Variants in DCLK2 observed in about 807,000 individuals in gnomAD.
DCLK2 encodes the protein doublecortin like kinase 2, also known as serine/threonine-protein kinase DCLK2.
A neutral mutation model predicts 78.4 loss-of-function variants in DCLK2; 31 were observed. The observed-to-expected ratio is 0.40, with a 90% CI of 0.30 to 0.53. The LOEUF is 0.53. Ranked by LOEUF, DCLK2 falls within the 20% of genes least tolerant of loss-of-function variation. The probability of loss-of-function intolerance (pLI) is 0.61; values close to 1 mark genes in which losing one functional copy is unlikely to be tolerated. For synonymous variants in DCLK2, 407 were observed against 374.9 expected (o/e 1.09, Z -0.99); for missense variants, 872 against 973.7 (o/e 0.90, Z 1.39).
At position 150,249,576 on chromosome 4, in the gene DCLK2, C is replaced by A; in HGVS notation, c.1965C>A (p.Ala655=). The change falls in exon 15 of 16, where the codon GCC becomes GCA. Residue 655 remains alanine, a synonymous_variant. Coordinates refer to ENST00000296550, the MANE Select transcript of DCLK2 (RefSeq NM_001040260.4). ...ILSHPWVSDD[A]SQENNMQAEV... is the part of the protein sequence containing the mutation. ...TGTTTTCTTTCCTGTAGGATGATGC[C>A]TCCCAGGAGAATAACATGCAAGCTG... 1 of 1,613,438 alleles carries A rather than the reference C, an allele frequency of 6.2e-7. No individual in the cohort carries two copies. The highest frequency in any genetic ancestry group is 8.5e-7 in the Non-Finnish European group (1 of 1,179,760).
At chr4:150,221,137 A>G (rs539031442) in intron 6 of DCLK2, among the ~76,000 whole-genome samples, 69 of 152,298 alleles carry the variant, frequency 4.5e-4, no homozygotes, top group African/African-American at 1.7e-3. Flanking sequence ...ATGTAGTGAG[A>G]AGTGGGCAGA....
chr4:150,175,157 T>TTATAATTTATGTATATTTATATATATA (rs1736952101), intron 2 of DCLK2, among the ~76,000 whole-genome samples: 1 of 135,328 alleles, frequency 7.4e-6, no homozygotes, highest in East Asian at 2.0e-4. Context: ...TTATATATAT[T>TTATAATTTATGTATATTTATATATATA]TATAATTTAT....
chr4:150,114,620 A>G lies in DCLK2; in HGVS notation c.756+11808A>G, dbSNP rs76733867. ...ATTTCCTTAGCATTTGCTTCTCTGA[A>G]AAAGACTTTATTTTGCCTTCGTTTA... On this transcript the variant is annotated intron_variant, in intron 2 of 15. Transcript: ENST00000296550. 1.4e-3 allele frequency among the ~76,000 whole-genome samples: 218 copies of G among 152,278 alleles called. 1 individual carries two copies. The highest frequency in any genetic ancestry group is 5.0e-3 in the African/African-American group (206 of 41,564).
intron 2 of DCLK2, among the ~76,000 whole-genome samples, chr4:150,191,533 C>T (rs115542680): frequency 3.8e-4 from 58 of 152,252 alleles, no homozygotes; most frequent in Non-Finnish European, 7.1e-4. Context: ...GAAAGGATGA[C>T]TCCCTGAATT....
At chr4:150,095,249 T>C (rs1730373411) in intron 1 of DCLK2, among the ~76,000 whole-genome samples, 1 of 152,236 alleles carries the variant, frequency 6.6e-6, no homozygotes, top group African/African-American at 2.4e-5. Context: ...CCTTCCCATT[T>C]ACAAGTCTTC....
rs1364624628 is a variant in DCLK2, at chr4:150,216,161, TG to T, written c.1057-4540del. 2.0e-5 allele frequency among the ~76,000 whole-genome samples: 3 copies of T among 152,374 alleles called. No individual in the cohort carries two copies. The East Asian group carries it at 5.8e-4, about 29-fold the overall frequency. ...TTAAATTTCAAATTTGAAGAAATTT[TG>T]GTAATCTGCTTATCAAAGAAGTTTA... On this transcript the variant is annotated intron_variant, in intron 5 of 15. Transcript: ENST00000296550.
chr4:150,148,025 G>C (rs1407342202), intron 2 of DCLK2, among the ~76,000 whole-genome samples: 1 of 152,150 alleles, frequency 6.6e-6, no homozygotes, highest in Non-Finnish European at 1.5e-5. Context: ...TTTAGTGATA[G>C]TTTATTGGTA....
intron 2 of DCLK2, among the ~76,000 whole-genome samples, chr4:150,140,516 C>A (rs895422267): frequency 8.5e-5 from 13 of 152,308 alleles, no homozygotes; most frequent in South Asian, 2.1e-4. Context: ...GCTCACAAAA[C>A]ACACTGCTTG....
intron 1 of DCLK2, among the ~76,000 whole-genome samples, chr4:150,086,352 C>T (rs917371640): frequency 9.9e-5 from 15 of 152,046 alleles, no homozygotes; most frequent in African/African-American, 3.6e-4. Flanking sequence ...TATTCCTTGC[C>T]CCTTTGTGTT....
At chr4:150,128,048 A>G (rs1733041118) in intron 2 of DCLK2, among the ~76,000 whole-genome samples, 2 of 151,680 alleles carry the variant, frequency 1.3e-5, no homozygotes, top group Non-Finnish European at 1.5e-5. Context: ...ATGATTCTCA[A>G]CAGGAGGCAG....
At chr4:150,227,167 A>C (rs778650632) in intron 8 of DCLK2, among the ~76,000 whole-genome samples, 10 of 152,214 alleles carry the variant, frequency 6.6e-5, no homozygotes, top group Non-Finnish European at 1.5e-4. Flanking sequence ...CACAGCCTGT[A>C]CATTGGCTGA....
At chr4:150,102,111 A>G (rs979001854) in intron 1 of DCLK2, among the ~76,000 whole-genome samples, 1 of 152,236 alleles carries the variant, frequency 6.6e-6, no homozygotes, top group African/African-American at 2.4e-5. Flanking sequence ...AAAACTAATT[A>G]GTAAATAGGA....
chr4:150,098,815 C>T (rs1730665164), intron 1 of DCLK2, among the ~76,000 whole-genome samples: 1 of 151,544 alleles, frequency 6.6e-6, no homozygotes, highest in South Asian at 2.1e-4. Flanking sequence ...CCTGCCTCAG[C>T]CTACTGAGTA....
chr4:150,230,220 G>A (rs905150519), intron 8 of DCLK2, among the ~76,000 whole-genome samples: 17 of 152,172 alleles, frequency 1.1e-4, no homozygotes, highest in Admixed American at 6.5e-5. Flanking sequence ...ACTGCTGATG[G>A]CCCTTAGGAG....
At chr4:150,104,892 A>G (rs1467409140) in intron 2 of DCLK2, among the ~76,000 whole-genome samples, 1 of 152,180 alleles carries the variant, frequency 6.6e-6, no homozygotes. Context: ...CCAGTATTCA[A>G]CATTCTTCTA....
intron 2 of DCLK2, among the ~76,000 whole-genome samples, chr4:150,124,655 C>G (rs1439508403): frequency 6.6e-6 from 1 of 152,106 alleles, no homozygotes; most frequent in Non-Finnish European, 1.5e-5. Flanking sequence ...TTTACAAAAA[C>G]CAAAAGTTGC....
chr4:150,148,780 C>T (rs1429557540), intron 2 of DCLK2, among the ~76,000 whole-genome samples: 1 of 152,036 alleles, frequency 6.6e-6, no homozygotes, highest in African/African-American at 2.4e-5. Context: ...CGCCAGTAAT[C>T]CCAGCAGTTT....
chr4:150,080,451 C>T (rs1351392283), intron 1 of DCLK2, among the ~76,000 whole-genome samples: 1 of 152,132 alleles, frequency 6.6e-6, no homozygotes, highest in African/African-American at 2.4e-5. Flanking sequence ...AAATAACATC[C>T]AGAAAGACCA....
chr4:150,219,966 T>TA (rs1438167958), intron 5 of DCLK2, among the ~76,000 whole-genome samples: 1 of 152,070 alleles, frequency 6.6e-6, no homozygotes, highest in African/African-American at 2.4e-5. Context: ...CAGCTACTCT[T>TA]AGGAAAAATT....
Sources: gnomAD v4.1 joint callset for allele counts (sites outside exome capture counted in the v4.1 genomes callset) on GRCh38, gnomAD v4.1.1 for gene constraint, MANE v1.5 for transcripts, NCBI Gene and HGNC (gene_info 2026-07-23, HGNC 2026-07-21) for gene names.